The following TRMT11 variants were observed in gnomAD, a reference collection of about 807,000 sequenced individuals.
TRMT11 encodes the protein tRNA (guanine(10)-N(2))-methyltransferase TRMT11.
In TRMT11, 53 loss-of-function variants were observed where a neutral mutation model predicts 62.8. The ratio of observed to expected loss-of-function variants is 0.84; its 90% CI spans 0.68 to 1.06. The LOEUF (loss-of-function observed/expected upper bound fraction) is 1.06. Ranked by LOEUF, TRMT11 falls within the 50% of genes least tolerant of loss-of-function variation. The pLI is 0.00. For missense variants in TRMT11, 556 were observed against 553.4 expected (o/e 1.00, Z -0.05); for synonymous variants, 188 against 190.3 (o/e 0.99, Z 0.10).
At chr6:126,237,637 T>C in the TRMT11 span, among the ~76,000 whole-genome samples, 1 of 152,056 alleles carries the variant, frequency 6.6e-6, no homozygotes, top group South Asian at 2.1e-4. Flanking sequence ...GCTGAGATCA[T>C]GGCACAGCAC....
At chr6:126,147,059 AG>A (rs2128218998) in intron 21 of TRMT11, among the ~76,000 whole-genome samples, 2 of 38,728 alleles carry the variant, frequency 5.2e-5, no homozygotes, top group South Asian at 1.1e-3. Context: ...TAAGCAGTTC[AG>A]CAAGTGGGGA....
intron 12 of TRMT11, among the ~76,000 whole-genome samples, chr6:126,035,723 T>C (rs1775063349): frequency 6.6e-6 from 1 of 152,044 alleles, no homozygotes; most frequent in South Asian, 2.1e-4. Flanking sequence ...GTAGTGAGTG[T>C]TTTCTCAATA....
the TRMT11 span, among the ~76,000 whole-genome samples, chr6:126,253,943 T>G: frequency 2.6e-5 from 4 of 152,200 alleles, no homozygotes; most frequent in Non-Finnish European, 5.9e-5. Flanking sequence ...CTATTTCACT[T>G]CTACAGACCC....
upstream of TRMT11, among the ~76,000 whole-genome samples, chr6:126,176,026 G>C (rs996029898): frequency 6.6e-6 from 1 of 152,150 alleles, no homozygotes. Flanking sequence ...TTCAGTTTTG[G>C]TTAGGAAATA....
chr6:126,092,854 A>C (rs1777293221), intron 17 of TRMT11, among the ~76,000 whole-genome samples: 1 of 152,232 alleles, frequency 6.6e-6, no homozygotes, highest in African/African-American at 2.4e-5. Flanking sequence ...ACCAATAAGT[A>C]AATGTGATAT....
At chr6:126,189,847 A>G (rs1476333446) in intron 1 of TRMT11, among the ~76,000 whole-genome samples, 1 of 152,022 alleles carries the variant, frequency 6.6e-6, no homozygotes, top group Non-Finnish European at 1.5e-5. Context: ...AAAGTTATTT[A>G]TTTCAGAAGA....
At chr6:126,055,869 C>G (rs1352531411) in intron 17 of TRMT11, among the ~76,000 whole-genome samples, 4 of 151,988 alleles carry the variant, frequency 2.6e-5, no homozygotes, top group Admixed American at 6.6e-5. Context: ...GTTTGAAATT[C>G]AAAACAGTTC....
the TRMT11 span, among the ~76,000 whole-genome samples, chr6:126,230,461 G>A: frequency 6.6e-6 from 1 of 152,118 alleles, no homozygotes; most frequent in South Asian, 2.1e-4. Context: ...GCATGCTTAA[G>A]TTCTTGGTAT....
At position 126,007,752 on chromosome 6, in the gene TRMT11, A is replaced by G. The variant is rs1583686310; in HGVS notation, c.680-640A>G. ...CAGTTGTTCTTACTTTGGTCACAGC[A>G]CTAATAAAAACAGTTTATTAATTAT... is the stretch of plus-strand genomic sequence containing the variant. On this transcript the variant is annotated intron_variant, in intron 7 of 12. Transcript: ENST00000334379. 2.0e-5 allele frequency among the ~76,000 whole-genome samples: 3 copies of G among 152,132 alleles called. No homozygotes were observed. In the East Asian group the frequency reaches 5.8e-4, roughly 29 times the overall value.
chr6:126,151,833 T>C (rs1184334292), intron 21 of TRMT11, among the ~76,000 whole-genome samples: 1 of 141,914 alleles, frequency 7.0e-6, no homozygotes, highest in African/African-American at 2.8e-5. Flanking sequence ...TTTCTTTCTT[T>C]CTTTCTTTCT....
At chr6:126,000,421 A>G (rs988785156) in intron 7 of TRMT11, among the ~76,000 whole-genome samples, 8 of 152,154 alleles carry the variant, frequency 5.3e-5, no homozygotes, top group Non-Finnish European at 1.0e-4. Context: ...ATCAGGTACT[A>G]TGCTATGCAT....
At chr6:126,063,929 C>T (rs1776612721) in intron 17 of TRMT11, among the ~76,000 whole-genome samples, 1 of 152,028 alleles carries the variant, frequency 6.6e-6, no homozygotes. Context: ...GATGTTGGAT[C>T]AAAACAGGGA....
chr6:126,035,643 A>C (rs918498660), intron 12 of TRMT11, among the ~76,000 whole-genome samples: 1 of 152,088 alleles, frequency 6.6e-6, no homozygotes, highest in Non-Finnish European at 1.5e-5. Context: ...AATAGAACAC[A>C]TGGTCGGTTA....
rs748377716 is a variant in TRMT11 at position 126,151,940 on chromosome 6, TTTC to T, written c.*1824-22882_*1824-22880del. On this transcript the variant is annotated intron_variant and NMD_transcript_variant, in intron 21 of 22. Coordinates refer to the TRMT11 transcript ENST00000648977. The stretch of plus-strand genomic sequence containing the variant: ...CTTTCTTTCTTTCTTTCTTTCTTTC[TTTC>T]TTTTCTTTCTTTCTTTTCTTTCTTT... 4.4e-4 allele frequency among the ~76,000 whole-genome samples: 44 copies of T among 99,978 alleles called. 2 individuals carry two copies. Among genetic ancestry groups the T allele is most frequent in the African/African-American group, 1.3e-3 (27 of 20,688 alleles). The allele number at this position is 99,978 out of a possible 152,430, so 65.6% of individuals were successfully genotyped here.
chr6:126,074,489 A>C (rs1562316282), intron 17 of TRMT11, among the ~76,000 whole-genome samples: 2 of 152,190 alleles, frequency 1.3e-5, no homozygotes, highest in Admixed American at 1.3e-4. Context: ...AATACCACCT[A>C]GAGCTAAGAA....
chr6:126,151,935 C>CTTTCTTTCTTTCTTTCT (rs1562334975), intron 21 of TRMT11, among the ~76,000 whole-genome samples: 2 of 94,762 alleles, frequency 2.1e-5, no homozygotes, highest in African/African-American at 5.1e-5. Context: ...TTCTTTCTTT[C>CTTTCTTTCTTTCTTTCT]TTTCTTTCTT....
chr6:126,006,215 CTG>C (rs1793323474), intron 7 of TRMT11, among the ~76,000 whole-genome samples: 1 of 151,672 alleles, frequency 6.6e-6, no homozygotes, highest in Admixed American at 6.6e-5. Flanking sequence ...TTTGCTCGGC[CTG>C]CTAATTTAAT....
At chr6:126,092,988 T>G (rs952813874) in intron 17 of TRMT11, among the ~76,000 whole-genome samples, 1 of 152,234 alleles carries the variant, frequency 6.6e-6, no homozygotes, top group Non-Finnish European at 1.5e-5. Context: ...TTGTTCAAAG[T>G]TCTTAAGTGC....
At chr6:126,133,771 G>T (rs1462162316) in intron 21 of TRMT11, among the ~76,000 whole-genome samples, 1 of 151,918 alleles carries the variant, frequency 6.6e-6, no homozygotes, top group Non-Finnish European at 1.5e-5. Context: ...GAGAGATAAA[G>T]CCCTTCAGAT....
Sources: allele counts gnomAD v4.1 joint callset (sites outside exome capture counted in the v4.1 genomes callset), GRCh38; gene constraint gnomAD v4.1.1; transcripts MANE v1.5; gene names NCBI Gene and HGNC (gene_info 2026-07-23, HGNC 2026-07-21).